EPHB1: variants seen among roughly 807,000 people sequenced by gnomAD.
The protein encoded by EPHB1 is EPH receptor B1.
In EPHB1, 30 loss-of-function variants were observed where a neutral mutation model predicts 94.4. That is an observed-to-expected ratio of 0.32 (90% CI 0.24 to 0.43). The LOEUF (loss-of-function observed/expected upper bound fraction) is 0.43, where lower values mean the gene tolerates loss of function less well. Among genes scored for constraint, EPHB1 ranks in the 20% least tolerant of loss-of-function variants. The pLI is 1.00. For synonymous variants in EPHB1, 522 were observed against 489.1 expected (o/e 1.07, Z -0.89); for missense variants, 1,055 against 1,308.3 (o/e 0.81, Z 2.99).
At chr3:135,136,043 T>A (rs1940607651) in intron 5 of EPHB1, among the ~76,000 whole-genome samples, 1 of 152,184 alleles carries the variant, frequency 6.6e-6, no homozygotes, top group African/African-American at 2.4e-5. Context: ...TTAAAGGGAT[T>A]TGGAGAATCT....
chr3:135,230,695 G>GT (rs1170117306), intron 12 of EPHB1, among the ~76,000 whole-genome samples: 1 of 152,134 alleles, frequency 6.6e-6, no homozygotes, highest in African/African-American at 2.4e-5. Flanking sequence ...CCAATAAGTA[G>GT]TTTTTCAACC....
chr3:134,860,326 G>GAAA, intron 1 of EPHB1, among the ~76,000 whole-genome samples: 1 of 152,258 alleles, frequency 6.6e-6, no homozygotes, highest in East Asian at 1.9e-4. Flanking sequence ...TGGCACCTAA[G>GAAA]TGTAGACCAA....
chr3:135,195,581 G>A (rs373129522), intron 11 of EPHB1, among the ~76,000 whole-genome samples: 43 of 149,118 alleles, frequency 2.9e-4, no homozygotes, highest in East Asian at 2.4e-3. Context: ...GAGAATATGC[G>A]GTGTTTGGTT....
chr3:135,225,849 G>T (rs1183337104), intron 12 of EPHB1, among the ~76,000 whole-genome samples: 1 of 152,006 alleles, frequency 6.6e-6, no homozygotes, highest in Non-Finnish European at 1.5e-5. Flanking sequence ...AGCAGGACAG[G>T]CAGGGAAGCA....
At chr3:134,973,982 G>T (rs888763266) in intron 3 of EPHB1, among the ~76,000 whole-genome samples, 12 of 152,134 alleles carry the variant, frequency 7.9e-5, no homozygotes, top group African/African-American at 2.9e-4. Context: ...GCAGGAGAGA[G>T]GACCCAAAGG....
chr3:135,058,726 G>A (rs1221658908), intron 3 of EPHB1, among the ~76,000 whole-genome samples: 3 of 152,220 alleles, frequency 2.0e-5, no homozygotes, highest in South Asian at 2.1e-4. Context: ...CCCAGTCAGA[G>A]CATCCTCTGC....
chr3:134,924,655 G>C (rs1285199172), intron 1 of EPHB1, among the ~76,000 whole-genome samples: 2 of 152,142 alleles, frequency 1.3e-5, no homozygotes, highest in East Asian at 1.9e-4. Context: ...CCCCAAACTG[G>C]AAACAACAGG....
chr3:135,185,501 G>GT (rs1559866459), intron 10 of EPHB1, among the ~76,000 whole-genome samples: 2 of 152,204 alleles, frequency 1.3e-5, no homozygotes, highest in African/African-American at 4.8e-5. Context: ...CACAAGCATC[G>GT]TCTTATTTAA....
intron 3 of EPHB1, among the ~76,000 whole-genome samples, chr3:134,999,276 G>A (rs188796787): frequency 6.6e-6 from 1 of 152,300 alleles, no homozygotes; most frequent in African/African-American, 2.4e-5. Context: ...TTGAGTTACT[G>A]TTGTTGGAAT....
intron 10 of EPHB1, among the ~76,000 whole-genome samples, chr3:135,180,445 A>C (rs1200275327): frequency 6.6e-6 from 1 of 152,128 alleles, no homozygotes; most frequent in Non-Finnish European, 1.5e-5. Flanking sequence ...TAGAAGAGAG[A>C]CCACTGTTTC....
At chr3:135,216,755 T>G (rs1361021373) in intron 12 of EPHB1, among the ~76,000 whole-genome samples, 1 of 134,300 alleles carries the variant, frequency 7.4e-6, no homozygotes, top group Non-Finnish European at 1.6e-5. Context: ...AAAATCACCC[T>G]CAGTCCTGAG....
intron 1 of EPHB1, among the ~76,000 whole-genome samples, chr3:134,912,077 G>A (rs1195854596): frequency 1.3e-5 from 2 of 152,176 alleles, no homozygotes; most frequent in East Asian, 1.9e-4. Context: ...ACCATCCATC[G>A]CCGGCCTTCA....
chr3:135,243,635 C>T (rs544606162), intron 13 of EPHB1, among the ~76,000 whole-genome samples: 4 of 152,062 alleles, frequency 2.6e-5, no homozygotes, highest in Non-Finnish European at 4.4e-5. Flanking sequence ...TCCCAGCTGC[C>T]GGGCTGAAGC....
In EPHB1 at chr3:135,259,579, G is replaced by A. The variant is rs74970677; in HGVS notation, c.*459G>A. The stretch of plus-strand genomic sequence containing the variant: ...GAGTCCCCTCCCTTCTCCCACACTC[G>A]TTTCCCTTTGCTCATGACTCCTGTA... On this transcript the variant is annotated 3_prime_UTR_variant, in exon 16 of 16. Coordinates refer to ENST00000398015, the MANE Select transcript of EPHB1 (RefSeq NM_004441.5). The A allele has an allele frequency of 7.5e-3, 1,472 of 195,932 alleles. 26 individuals carry two copies. Among genetic ancestry groups the A allele is most frequent in the African/African-American group, 0.032 (1,394 of 43,138 alleles). 12.1% of individuals were successfully genotyped at this position (195,932 alleles called of 1,614,324 possible). A position where few individuals can be genotyped will look rare whatever the true frequency, so the allele number is the denominator to read the frequency against.
At chr3:134,912,719 C>A (rs557452278) in intron 1 of EPHB1, among the ~76,000 whole-genome samples, 43 of 152,358 alleles carry the variant, frequency 2.8e-4, no homozygotes, top group Non-Finnish European at 4.6e-4. Flanking sequence ...AGAGGGCAGC[C>A]TCTGAGGCCT....
At chr3:134,900,321 G>T (rs986379789) in intron 1 of EPHB1, among the ~76,000 whole-genome samples, 2 of 152,140 alleles carry the variant, frequency 1.3e-5, no homozygotes, top group Non-Finnish European at 2.9e-5. Context: ...CTTGCTGGCT[G>T]CTCATTTTTT....
intron 3 of EPHB1, among the ~76,000 whole-genome samples, chr3:135,093,496 T>A (rs1337384042): frequency 6.6e-6 from 1 of 152,178 alleles, no homozygotes; most frequent in African/African-American, 2.4e-5. Context: ...TATGGGCAGA[T>A]CACTTGAGGT....
intron 3 of EPHB1, among the ~76,000 whole-genome samples, chr3:134,973,423 G>GTTTTT (rs1559778175): frequency 1.1e-5 from 1 of 93,312 alleles, no homozygotes; most frequent in South Asian, 3.8e-4. Context: ...CTGTCTTCTA[G>GTTTTT]TCTTTTTTTT....
chr3:135,211,850 T>C (rs1352695654), intron 12 of EPHB1, among the ~76,000 whole-genome samples: 1 of 152,248 alleles, frequency 6.6e-6, no homozygotes, highest in Non-Finnish European at 1.5e-5. Context: ...AGGTTCCCTA[T>C]GCTTTATAAG....
Sources: allele counts gnomAD v4.1 joint callset (sites outside exome capture counted in the v4.1 genomes callset), GRCh38; gene constraint gnomAD v4.1.1; transcripts MANE v1.5; gene names NCBI Gene and HGNC (gene_info 2026-07-23, HGNC 2026-07-21).